Variants in ST8SIA1 observed in about 807,000 individuals in gnomAD.
ST8SIA1 encodes the protein alpha-N-acetylneuraminide alpha-2,8-sialyltransferase.
In ST8SIA1, 16 loss-of-function variants were observed where a neutral mutation model predicts 35.9. The observed-to-expected ratio is 0.45, with a 90% confidence interval of 0.30 to 0.68. ST8SIA1 has a LOEUF of 0.68. Ranked by LOEUF, ST8SIA1 falls within the 30% of genes least tolerant of loss-of-function variation. The probability of loss-of-function intolerance (pLI) is 0.09; values close to 1 mark genes in which losing one functional copy is unlikely to be tolerated. For synonymous variants in ST8SIA1, 170 were observed against 169.6 expected, an observed-to-expected ratio of 1.00 and a Z score of -0.02; for missense variants, 383 against 453.6, an observed-to-expected ratio of 0.84 and a Z score of 1.41.
intron 1 of ST8SIA1, among the ~76,000 whole-genome samples, chr12:22,301,317 C>T (rs951985419): frequency 4.0e-5 from 6 of 151,812 alleles, no homozygotes; most frequent in Non-Finnish European, 8.8e-5. Context: ...GAATATCAAG[C>T]AGAATAGGTA....
At chr12:22,205,813 T>C (rs1427894129) in intron 4 of ST8SIA1, among the ~76,000 whole-genome samples, 2 of 152,008 alleles carry the variant, frequency 1.3e-5, no homozygotes, top group African/African-American at 2.4e-5. Context: ...ATTTGCAAAA[T>C]ATATTTCAAC....
intron 4 of ST8SIA1, among the ~76,000 whole-genome samples, chr12:22,240,876 G>T (rs1275214059): frequency 6.6e-6 from 1 of 151,644 alleles, no homozygotes; most frequent in Admixed American, 6.6e-5. Context: ...TCCCCTTATT[G>T]AATTAAAAGT....
rs1865049712 is a variant in ST8SIA1 at position 22,201,713 on chromosome 12, C to T, written c.910G>A (p.Glu304Lys). The change falls in exon 5 of 5, where the codon GAG (glutamate) becomes AAG (lysine). Residue 304 changes from glutamate to lysine, a missense_variant. Transcript: ENST00000396037. ...GFWPFSVNMH[E>K]QPISHHYYDN... ...TAGTAGTGGTGGCTGATGGGCTGCTCATGCATATTCACAGAGAAGGGCCAG... is the reference window on the plus strand; with the variant it reads ...TAGTAGTGGTGGCTGATGGGCTGCTTATGCATATTCACAGAGAAGGGCCAG... 6.2e-7 allele frequency: 1 copy of T among 1,613,962 alleles called. No individual in the cohort carries two copies. Among genetic ancestry groups the T allele is most frequent in the African/African-American group, 1.3e-5 (1 of 74,934 alleles).
chr12:22,264,059 T>C (rs1241140012), intron 2 of ST8SIA1, among the ~76,000 whole-genome samples: 1 of 152,178 alleles, frequency 6.6e-6, no homozygotes. Flanking sequence ...CGTATCCTCC[T>C]GGACTCCCAC....
chr12:22,294,520 G>A (rs944092130), intron 1 of ST8SIA1, among the ~76,000 whole-genome samples: 22 of 152,112 alleles, frequency 1.4e-4, no homozygotes, highest in African/African-American at 5.1e-4. Flanking sequence ...TTAATCTTCT[G>A]GATAATTTGC....
chr12:22,301,647 G>A (rs981160462), intron 1 of ST8SIA1, among the ~76,000 whole-genome samples: 5 of 152,120 alleles, frequency 3.3e-5, no homozygotes, highest in African/African-American at 1.2e-4. Context: ...TTTTACCACG[G>A]CTTTGACTGG....
rs1565563045 is a variant in ST8SIA1, at chr12:22,195,206, A to AAG, written c.*6345_*6346insCT. On this transcript the variant is annotated 3_prime_UTR_variant, in exon 5 of 5. Coordinates refer to ENST00000396037, the MANE Select transcript of ST8SIA1 (RefSeq NM_003034.4). ...GTCTCAACAAAAAAAAAAAAAAAAAAAAAAAAGAAAGAAAGAAAGAAAGGA... is the reference window on the plus strand; with the variant it reads ...GTCTCAACAAAAAAAAAAAAAAAAAAAGAAAAAAGAAAGAAAGAAAGAAAGGA... 2.2e-5 allele frequency: 2 copies of AAG among 92,676 alleles called. No homozygotes were observed. Among genetic ancestry groups the AAG allele is most frequent in the African/African-American group, 5.5e-5 (2 of 36,054 alleles). The allele number at this position is 92,676 out of a possible 1,614,324, so 5.7% of individuals were successfully genotyped here. A position where few individuals can be genotyped will look rare whatever the true frequency, so the allele number is the denominator to read the frequency against.
rs1468778265 is a variant in ST8SIA1, at chr12:22,216,131, C to T, written c.585-14093G>A. The stretch of plus-strand genomic sequence containing the variant: ...CCTAACTAATGCATATCCTCAGTAC[C>T]ACAGTTTAATTTCAGGTTACCTTCA... On this transcript the variant is annotated intron_variant, in intron 4 of 4. Transcript: ENST00000396037. Among the ~76,000 whole-genome samples, 8 of 152,140 alleles carry T rather than the reference C, an allele frequency of 5.3e-5. No homozygotes were observed. The East Asian group carries it at 1.5e-3, about 29-fold the overall frequency.
At chr12:22,316,963 A>G (rs1866529503) in intron 1 of ST8SIA1, among the ~76,000 whole-genome samples, 1 of 152,198 alleles carries the variant, frequency 6.6e-6, no homozygotes, top group African/African-American at 2.4e-5. Flanking sequence ...AAAACAGATG[A>G]CTTCAATTGG....
intron 4 of ST8SIA1, among the ~76,000 whole-genome samples, chr12:22,211,332 T>C (rs1591824711): frequency 1.3e-5 from 2 of 152,266 alleles, no homozygotes; most frequent in South Asian, 4.1e-4. Flanking sequence ...AGCCCCTCTC[T>C]CCTCCCTGGA....
At chr12:22,284,446 C>A (rs1041882653) in intron 2 of ST8SIA1, among the ~76,000 whole-genome samples, 1 of 152,136 alleles carries the variant, frequency 6.6e-6, no homozygotes, top group East Asian at 1.9e-4. Context: ...AACTGGCAAC[C>A]CTTTTTGGCT....
At chr12:22,258,435 G>A (rs1221876884) in intron 2 of ST8SIA1, among the ~76,000 whole-genome samples, 1 of 151,326 alleles carries the variant, frequency 6.6e-6, no homozygotes, top group Non-Finnish European at 1.5e-5. Context: ...TGGTGAATGA[G>A]TGCAGATGGA....
At chr12:22,256,159 T>G (rs566588725) in intron 2 of ST8SIA1, among the ~76,000 whole-genome samples, 1 of 152,318 alleles carries the variant, frequency 6.6e-6, no homozygotes, top group East Asian at 1.9e-4. Context: ...GATGCTGTGT[T>G]TATGAGCAAA....
chr12:22,255,923 T>C (rs1865724321), intron 2 of ST8SIA1, among the ~76,000 whole-genome samples: 1 of 151,958 alleles, frequency 6.6e-6, no homozygotes, highest in Admixed American at 6.6e-5. Flanking sequence ...ATGATGAGAG[T>C]GTGAAAACAT....
chr12:22,216,986 C>T (rs765721639), intron 4 of ST8SIA1, among the ~76,000 whole-genome samples: 14 of 152,132 alleles, frequency 9.2e-5, no homozygotes, highest in Non-Finnish European at 1.2e-4. Flanking sequence ...AGCCAGAAAA[C>T]GGGTAATTAG....
chr12:22,291,137 A>G lies in ST8SIA1; in HGVS notation c.237-3844T>C, dbSNP rs557986826. Among the ~76,000 whole-genome samples the G allele has an allele frequency of 1.6e-4, 25 of 152,340 alleles. No homozygotes were observed. The South Asian group carries it at 4.8e-3, about 29-fold the overall frequency. On this transcript the variant is annotated intron_variant, in intron 1 of 4. Transcript: ENST00000396037. ...CCTCCTAATGGAATTCATAAGATCA[A>G]TTAAGCCAAGAAGCCCTCATCTGTT...
intron 4 of ST8SIA1, among the ~76,000 whole-genome samples, chr12:22,213,717 T>A (rs1865201432): frequency 6.6e-6 from 1 of 151,842 alleles, no homozygotes; most frequent in Admixed American, 6.6e-5. Context: ...AAAGGAAGGA[T>A]CTATTCCACT....
chr12:22,302,550 A>G (rs1044589210), intron 1 of ST8SIA1, among the ~76,000 whole-genome samples: 3 of 152,156 alleles, frequency 2.0e-5, no homozygotes, highest in African/African-American at 7.2e-5. Context: ...CTCGGGACCT[A>G]CCTATATAGG....
chr12:22,273,146 C>T (rs993659422), intron 2 of ST8SIA1, among the ~76,000 whole-genome samples: 5 of 152,098 alleles, frequency 3.3e-5, no homozygotes, highest in Non-Finnish European at 7.3e-5. Flanking sequence ...CCTGGCGAAA[C>T]CCCACCTCCA....
Sources: gnomAD v4.1 joint callset for allele counts (sites outside exome capture counted in the v4.1 genomes callset) on GRCh38, gnomAD v4.1.1 for gene constraint, MANE v1.5 for transcripts, NCBI Gene and HGNC (gene_info 2026-07-23, HGNC 2026-07-21) for gene names.